ZNF699: variants seen among roughly 807,000 people sequenced by gnomAD.
ZNF699 encodes the protein hangover homolog.
ZNF699 carries 18 observed loss-of-function variants against 22.5 expected under a neutral mutation model. The ratio of observed to expected loss-of-function variants is 0.80; its 90% CI spans 0.55 to 1.19. ZNF699 has a LOEUF of 1.19. Ranked by LOEUF, ZNF699 falls within the 50% of genes most tolerant of loss-of-function variation. ZNF699 has a pLI of 0.00. For missense variants in ZNF699, 670 were observed against 763.4 expected (o/e 0.88, Z 1.44); for synonymous variants, 241 against 262.3 (o/e 0.92, Z 0.78).
chr19:9,306,146 C>A (rs2066327009), intron 1 of ZNF699, among the ~76,000 whole-genome samples: 2 of 151,846 alleles, frequency 1.3e-5, no homozygotes, highest in South Asian at 2.1e-4. Context: ...GTAATCCCAG[C>A]ACTTTGGGAG....
chr19:9,299,369 C>T (rs933105245), intron 3 of ZNF699, among the ~76,000 whole-genome samples: 11 of 152,274 alleles, frequency 7.2e-5, no homozygotes, highest in East Asian at 3.9e-4. Flanking sequence ...CTCCTGACCT[C>T]GTGATTCACC....
chr19:9,296,237 T>C lies in ZNF699; in HGVS notation c.1167A>G (p.Lys389=). ...TVHGRTHTGE[K]PYKCKECGKA... ...TCCCACATTCCTTACATTTATAGGG[T>C]TTCTCTCCAGTATGTGTCCTCCCAT... The change falls in exon 6 of 6, where the codon AAA becomes AAG. Residue 389 remains lysine (K), a synonymous_variant. Coordinates refer to ENST00000591998, the MANE Select transcript of ZNF699 (RefSeq NM_198535.3). 7 of 1,613,644 alleles carry C rather than the reference T, an allele frequency of 4.3e-6. No homozygotes were observed. The highest frequency in any genetic ancestry group is 5.9e-6 in the Non-Finnish European group (7 of 1,179,908).
chr19:9,308,678 C>G (rs1288570089), intron 1 of ZNF699, among the ~76,000 whole-genome samples: 1 of 152,132 alleles, frequency 6.6e-6, no homozygotes, highest in South Asian at 2.1e-4. Context: ...CTACAGCAAA[C>G]ATCCTATTTA....
chr19:9,295,709 C>T lies in ZNF699; in HGVS notation c.1695G>A (p.Gly565=), dbSNP rs1216426505. 1 of 1,614,082 alleles carries T rather than the reference C, an allele frequency of 6.2e-7. No individual in the cohort carries two copies. Among genetic ancestry groups the T allele is most frequent in the South Asian group, 1.1e-5 (1 of 91,080 alleles). Residue 565 remains glycine (G), a synonymous_variant, in exon 6 of 6, where the codon GGG becomes GGA. Transcript: ENST00000591998. ...GGTATGAAGAATGACGAAATGCTTT[C>T]CCACATTCCTTACATTCATAGGGTT... ...GEKPYECKEC[G]KAFRHSSYLT...
intron 1 of ZNF699, among the ~76,000 whole-genome samples, chr19:9,306,066 G>A (rs1379099839): frequency 6.6e-6 from 1 of 151,212 alleles, no homozygotes; most frequent in African/African-American, 2.4e-5. Flanking sequence ...TGATACACAT[G>A]CTAAATCTGC....
Position 9,305,093 on chromosome 19 carries a change from C to T in ZNF699, c.27G>A (p.Glu9=). 1.9e-6 allele frequency: 3 copies of T among 1,613,506 alleles called. No individual in the cohort carries two copies. The highest frequency in any genetic ancestry group is 2.5e-6 in the Non-Finnish European group (3 of 1,179,744). Residue 9 remains glutamate, a synonymous_variant, in exon 2 of 6, where the codon GAG becomes GAA. Transcript: ENST00000591998. The part of the protein sequence containing the change: MEEERKTA[E]LQKNRIQDSV... ...TTACCTGTATTCTATTTTTCTGTAA[C>T]TCAGCAGTTTTTCTTTCTTCCTCCA...
chr19:9,309,487 T>C lies in ZNF699; in HGVS notation c.-143A>G, dbSNP rs996761477. The C allele has an allele frequency of 2.0e-5, 3 of 152,320 alleles. No homozygotes were observed. Among genetic ancestry groups the C allele is most frequent in the Admixed American group, 6.5e-5 (1 of 15,286 alleles). 9.4% of individuals were successfully genotyped at this position (152,320 alleles called of 1,614,324 possible). ...TTTCGGAGGCTGATGAACTACGACA[T>C]TGGTTCTCCAACTCTCGCCTGCATC... On this transcript the variant is annotated 5_prime_UTR_variant, in exon 1 of 6. The change abolishes an upstream ATG in the 5' untranslated region. Coordinates refer to ENST00000591998, the MANE Select transcript of ZNF699 (RefSeq NM_198535.3).
chr19:9,303,025 A>C (rs1457702059), intron 2 of ZNF699, among the ~76,000 whole-genome samples: 1 of 151,490 alleles, frequency 6.6e-6, no homozygotes, highest in African/African-American at 2.4e-5. Context: ...ACAAAAACAA[A>C]AACAAAAAAA....
Position 9,295,870 on chromosome 19 carries a change from A to C in ZNF699, c.1534T>G (p.Phe512Val). The C allele has an allele frequency of 6.2e-7, 1 of 1,614,118 alleles. No homozygotes were observed. The highest frequency in any genetic ancestry group is 8.5e-7 in the Non-Finnish European group (1 of 1,180,000). Residue 512 changes from phenylalanine to valine, a missense_variant, in exon 6 of 6, where the codon TTT becomes GTT. Phe to Val is a conservative substitution (Grantham distance 50). Transcript: ENST00000591998. Reference protein sequence around the residue: ...PYECKECGKAFISSSHLTVHI... With the variant: ...PYECKECGKAVISSSHLTVHI... ...ACTGTAAGGTGGGAGGAACTAATAA[A>C]GGCTTTCCCACATTCTTTACATTCA...
Position 9,295,726 on chromosome 19 carries a change from C to G in ZNF699, c.1678G>C (p.Glu560Gln). ...AATGCTTTCCCACATTCCTTACATT[C>G]ATAGGGTTTTTCCCCAGTGTGCGTT... is the stretch of plus-strand genomic sequence containing the variant. Reference protein sequence around the residue: ...MRTHTGEKPYECKECGKAFRH... With the variant: ...MRTHTGEKPYQCKECGKAFRH... The change falls in exon 6 of 6, where the codon GAA becomes CAA. Residue 560 changes from glutamate (E) to glutamine (Q), a missense_variant. Glu to Gln is a conservative substitution (Grantham distance 29). Coordinates refer to ENST00000591998, the MANE Select transcript of ZNF699 (RefSeq NM_198535.3). 1 of 1,613,862 alleles carries G rather than the reference C, an allele frequency of 6.2e-7. No homozygotes were observed. The highest frequency in any genetic ancestry group is 2.2e-5 in the East Asian group (1 of 44,838).
chr19:9,301,152 A>G (rs994438902), intron 3 of ZNF699, among the ~76,000 whole-genome samples: 1 of 151,802 alleles, frequency 6.6e-6, no homozygotes, highest in African/African-American at 2.4e-5. Context: ...AGAGAGAGAG[A>G]GAGAGAGAGA....
intron 1 of ZNF699, among the ~76,000 whole-genome samples, chr19:9,308,787 G>A (rs1327635909): frequency 6.6e-6 from 1 of 152,192 alleles, no homozygotes; most frequent in Non-Finnish European, 1.5e-5. Flanking sequence ...GTCCTGGCAA[G>A]TGCAGTAAAG....
intron 3 of ZNF699, among the ~76,000 whole-genome samples, chr19:9,301,138 AG>A (rs374959725): frequency 1.2e-4 from 14 of 116,198 alleles, no homozygotes; most frequent in African/African-American, 7.9e-4. Flanking sequence ...CAAAAAAAAA[AG>A]AGAGAGAGAG....
At chr19:9,302,197 G>A (rs925133659) in intron 3 of ZNF699, among the ~76,000 whole-genome samples, 181 bp downstream of exon 3, 2 of 152,098 alleles carry the variant, frequency 1.3e-5, no homozygotes, top group Non-Finnish European at 2.9e-5. Flanking sequence ...CACTGCGCCC[G>A]GCCCAGGTGT....
chr19:9,296,169 T>C lies in ZNF699; in HGVS notation c.1235A>G (p.Lys412Arg), dbSNP rs765174865. The C allele has an allele frequency of 3.7e-6, 6 of 1,613,368 alleles. No individual in the cohort carries two copies. In the East Asian group the frequency reaches 1.3e-4, roughly 36 times the overall value. ...CPSSLSIHMR[K>R]HTGEKPYECL... Reference sequence around the variant, plus strand: ...TTCATACGGTTTTTCTCCAGTGTGTTTTCTCATATGGATACTTAAGGAGGA... The same window carrying C: ...TTCATACGGTTTTTCTCCAGTGTGTCTTCTCATATGGATACTTAAGGAGGA... The change falls in exon 6 of 6, where the codon AAA (lysine) becomes AGA (arginine). Residue 412 changes from lysine to arginine, a missense_variant. Coordinates refer to ENST00000591998, the MANE Select transcript of ZNF699 (RefSeq NM_198535.3).
At position 9,296,205 on chromosome 19, in the gene ZNF699, T is replaced by G; in HGVS notation, c.1199A>C (p.Tyr400Ser). Reference protein sequence around the residue: ...PYKCKECGKAYNCPSSLSIHM... With the variant: ...PYKCKECGKASNCPSSLSIHM... ...GATACTTAAGGAGGAGGGACAATTGTAGGCTTTCCCACATTCCTTACATTT... is the reference window on the plus strand; with the variant it reads ...GATACTTAAGGAGGAGGGACAATTGGAGGCTTTCCCACATTCCTTACATTT... Residue 400 changes from tyrosine to serine, a missense_variant, in exon 6 of 6, where the codon TAC (tyrosine) becomes TCC (serine). Tyr to Ser is a moderately radical substitution (Grantham distance 144). Transcript: ENST00000591998. The G allele has an allele frequency of 6.2e-7, 1 of 1,611,606 alleles. No individual in the cohort carries two copies. Among genetic ancestry groups the G allele is most frequent in the Non-Finnish European group, 8.5e-7 (1 of 1,179,158 alleles).
rs372735180 is a variant in ZNF699, at chr19:9,295,885, C to A, written c.1519G>T (p.Glu507Ter). Residue 507 changes from glutamate (E) to a stop codon, truncating the protein, a stop_gained, in exon 6 of 6, where the codon GAA (glutamate) becomes TAA (stop). Coordinates refer to ENST00000591998, the MANE Select transcript of ZNF699 (RefSeq NM_198535.3). LOFTEE classifies it low-confidence loss of function (END_TRUNC). ...GAACTAATAAAGGCTTTCCCACATT[C>A]TTTACATTCATACGGCTTCTCTCCG... Reference protein sequence around the residue: ...HSGEKPYECKECGKAFISSSH... With the variant: ...HSGEKPYECK The A allele has an allele frequency of 1.2e-6, 2 of 1,613,988 alleles. No homozygotes were observed. Among genetic ancestry groups the A allele is most frequent in the Non-Finnish European group, 1.7e-6 (2 of 1,180,024 alleles).
At chr19:9,306,702 A>G (rs189952213) in intron 1 of ZNF699, among the ~76,000 whole-genome samples, 216 of 152,356 alleles carry the variant, frequency 1.4e-3, no homozygotes, top group Non-Finnish European at 2.6e-3. Context: ...AATTAACCAC[A>G]TCTTCAATAT....
chr19:9,307,022 G>A (rs775457694), intron 1 of ZNF699, among the ~76,000 whole-genome samples: 2 of 152,092 alleles, frequency 1.3e-5, no homozygotes, highest in South Asian at 2.1e-4. Context: ...CCAAAATGGC[G>A]AAACCCTGTC....
Sources: gnomAD v4.1 joint callset for allele counts (sites outside exome capture counted in the v4.1 genomes callset) on GRCh38, gnomAD v4.1.1 for gene constraint, MANE v1.5 for transcripts, NCBI Gene and HGNC (gene_info 2026-07-23, HGNC 2026-07-21) for gene names.